Variants in FASTKD5 observed in about 807,000 individuals in gnomAD.
FASTKD5 encodes the protein non-canonical pre-mRNAs endonuclease FASTKD5, mitochondrial.
In FASTKD5, 30 loss-of-function variants were observed where a neutral mutation model predicts 44.0. The observed-to-expected ratio is 0.68, with a 90% CI of 0.51 to 0.93. The LOEUF (loss-of-function observed/expected upper bound fraction) is 0.93. Among genes scored for constraint, FASTKD5 ranks in the 40% least tolerant of loss-of-function variants. FASTKD5 has a pLI of 0.00. For synonymous variants in FASTKD5, 335 were observed against 342.2 expected (o/e 0.98, Z 0.23); for missense variants, 868 against 908.2 (o/e 0.96, Z 0.57).
At chr20:3,158,123 G>GTGTTTTTTTTGTTTTT (rs1170836369) in intron 1 of FASTKD5, among the ~76,000 whole-genome samples, 6 of 151,940 alleles carry the variant, frequency 3.9e-5, no homozygotes, top group Non-Finnish European at 8.8e-5. Flanking sequence ...GTTTTTTTGT[G>GTGTTTTTTTTGTTTTT]TGTTTTTTTT....
At chr20:3,157,386 C>T (rs1289914582) in intron 1 of FASTKD5, among the ~76,000 whole-genome samples, 2 of 152,234 alleles carry the variant, frequency 1.3e-5, no homozygotes, top group Non-Finnish European at 2.9e-5. Flanking sequence ...ATTATTCAGT[C>T]TAGCAATCCA....
Position 3,146,961 on chromosome 20 carries a change from T to C in FASTKD5, c.2110A>G (p.Arg704Gly). The C allele has an allele frequency of 6.2e-7, 1 of 1,614,214 alleles. No homozygotes were observed. The highest frequency in any genetic ancestry group is 1.7e-5 in the Admixed American group (1 of 60,014). ...RMKLAVQFTN[R>G]NQYCYGSRDL... is the part of the protein sequence containing the mutation. ...CTGGAGCCATAGCAATACTGGTTCC[T>C]GTTTGTGAACTGAACAGCCAGCTTC... The change falls in exon 2 of 2, where the codon AGG becomes GGG. Residue 704 changes from arginine (R) to glycine (G), a missense_variant. Transcript: ENST00000380266.
In FASTKD5 at chr20:3,148,677, C is replaced by A; in HGVS notation, c.394G>T (p.Ala132Ser). The change falls in exon 2 of 2, where the codon GCA becomes TCA. Residue 132 changes from alanine (A) to serine (S), a missense_variant. Transcript: ENST00000380266. ...GACAGGAGCTGAGAAGTCTCAGATG[C>A]ATTATAGCTGTGAACACGGTATTCT... Reference protein sequence around the residue: ...RPEYRVHSYNASETSQLLSVS... With the variant: ...RPEYRVHSYNSSETSQLLSVS... 1 of 1,614,166 alleles carries A rather than the reference C, an allele frequency of 6.2e-7. No individual in the cohort carries two copies.
At chr20:3,154,698 G>A (rs1463479085) in intron 1 of FASTKD5, among the ~76,000 whole-genome samples, 1 of 152,054 alleles carries the variant, frequency 6.6e-6, no homozygotes, top group Non-Finnish European at 1.5e-5. Flanking sequence ...TAAATAAAAA[G>A]AGTAAAGAAA....
rs2066578664 is a variant in FASTKD5 at position 3,147,556 on chromosome 20, T to C, written c.1515A>G (p.Arg505=). 6.2e-7 allele frequency: 1 copy of C among 1,614,160 alleles called. No homozygotes were observed. Residue 505 remains arginine (R), a synonymous_variant, in exon 2 of 2, where the codon AGA becomes AGG. Coordinates refer to ENST00000380266, the MANE Select transcript of FASTKD5 (RefSeq NM_021826.5). ...GTTCCTTAAGGAGGTCAAACTTAGT[T>C]CTCTCCTGAGCTAACCTGACAAACC... ...SPGFVRLAQE[R]TKFDLLKELY... is the part of the protein sequence containing the mutation.
chr20:3,154,637 C>T (rs1007481644), intron 1 of FASTKD5, among the ~76,000 whole-genome samples: 1 of 151,946 alleles, frequency 6.6e-6, no homozygotes, highest in African/African-American at 2.4e-5. Context: ...GAGCTGTGAT[C>T]CTGCTATGGC....
At chr20:3,154,644 T>C (rs1055993956) in intron 1 of FASTKD5, among the ~76,000 whole-genome samples, 11 of 152,082 alleles carry the variant, frequency 7.2e-5, no homozygotes, top group African/African-American at 1.2e-4. Flanking sequence ...GATCCTGCTA[T>C]GGCAGGGTGA....
intron 1 of FASTKD5, among the ~76,000 whole-genome samples, chr20:3,158,384 C>T (rs1555765806): frequency 1.3e-5 from 2 of 152,196 alleles, no homozygotes; most frequent in Non-Finnish European, 2.9e-5. Flanking sequence ...GACTAATAAA[C>T]ATTAGACCTG....
At position 3,147,297 on chromosome 20, in the gene FASTKD5, C is replaced by A; in HGVS notation, c.1774G>T (p.Val592Phe). The change falls in exon 2 of 2, where the codon GTC (valine) becomes TTC (phenylalanine). Residue 592 changes from valine to phenylalanine, a missense_variant. Physicochemically the swap from Val to Phe is conservative, Grantham distance 50 (BLOSUM62 -1). Coordinates refer to ENST00000380266, the MANE Select transcript of FASTKD5 (RefSeq NM_021826.5). ...LPHTRSSDLEVQLDVNLKPLP... is the reference protein window; with the variant it reads ...LPHTRSSDLEFQLDVNLKPLP... ...GGCTTCAGGTTAACATCAAGCTGGA[C>A]CTCTAAGTCAGAAGATCGGGTATGA... is the stretch of plus-strand genomic sequence containing the variant. 1 of 1,614,200 alleles carries A rather than the reference C, an allele frequency of 6.2e-7. No individual in the cohort carries two copies.
intron 1 of FASTKD5, among the ~76,000 whole-genome samples, chr20:3,158,871 C>T (rs560223293): frequency 8.7e-4 from 132 of 152,356 alleles, no homozygotes; most frequent in Non-Finnish European, 1.6e-3. Flanking sequence ...TCTGGAAAGG[C>T]AGCCATTCTT....
Position 3,157,754 on chromosome 20 carries a change from G to A in FASTKD5, c.-191+2012C>T, listed in dbSNP as rs143276228. On this transcript the variant is annotated intron_variant, in intron 1 of 1. Coordinates refer to ENST00000380266, the MANE Select transcript of FASTKD5 (RefSeq NM_021826.5). ...AGCTGCATGCACACAGTCGTCATAA[G>A]AGAAAATTCCCAAATAAATGGTCCA... is the stretch of plus-strand genomic sequence containing the variant. Among the ~76,000 whole-genome samples, 223 of 152,328 alleles carry A rather than the reference G, an allele frequency of 1.5e-3. 1 individual carries two copies. Among genetic ancestry groups the A allele is most frequent in the African/African-American group, 4.6e-3 (190 of 41,572 alleles).
chr20:3,151,257 A>C (rs925594128), intron 1 of FASTKD5, among the ~76,000 whole-genome samples: 2 of 152,198 alleles, frequency 1.3e-5, no homozygotes, highest in African/African-American at 4.8e-5. Flanking sequence ...ATCAAGGGTG[A>C]GCAGACTATG....
Position 3,148,114 on chromosome 20 carries a change from A to C in FASTKD5, c.957T>G (p.Gly319=), listed in dbSNP as rs780251919. 1.7e-5 allele frequency: 28 copies of C among 1,613,958 alleles called. No homozygotes were observed. Among genetic ancestry groups the C allele is most frequent in the Admixed American group, 5.0e-5 (3 of 59,992 alleles). ...ATTTAAAGAACCCCAAACAGATGGT[A>C]CCAACCTCCTCCAAATTGATCAAAT... ...YIDLINLEEV[G]TICLGFFKSS... Residue 319 remains glycine (G), a synonymous_variant, in exon 2 of 2, where the codon GGT becomes GGG. Coordinates refer to ENST00000380266, the MANE Select transcript of FASTKD5 (RefSeq NM_021826.5).
chr20:3,147,424 T>C lies in FASTKD5; in HGVS notation c.1647A>G (p.Ala549=), dbSNP rs1034527206. 3.1e-6 allele frequency: 5 copies of C among 1,614,210 alleles called. No individual in the cohort carries two copies. The highest frequency in any genetic ancestry group is 3.4e-6 in the Non-Finnish European group (4 of 1,180,040). The change falls in exon 2 of 2, where the codon GCA becomes GCG. Residue 549 remains alanine (A), a synonymous_variant. Transcript: ENST00000380266. ...CAGGCTTTGAATTCATATCCTTCTC[T>C]GCTAAATACCACAGCAATTCAGACC... ...QEGSELLWYL[A]EKDMNSKPEF...
In FASTKD5 at chr20:3,148,208, A is replaced by G. The variant is rs2422857; in HGVS notation, c.863T>C (p.Ile288Thr). ...LSQLVHLIYV[I>T]GENRQVSQDL... is the part of the protein sequence containing the mutation. ...CTGGGATACCTGACGATTTTCACCT[A>G]TAACATAAATTAAGTGAACTAGCTG... The change falls in exon 2 of 2, where the codon ATA (isoleucine) becomes ACA (threonine). Residue 288 changes from isoleucine (I) to threonine (T), a missense_variant. Ile to Thr is a moderately conservative substitution (Grantham distance 89). Transcript: ENST00000380266. 2,713 of 1,614,046 alleles carry G rather than the reference A, an allele frequency of 1.7e-3. 3 individuals carry two copies. Among genetic ancestry groups the G allele is most frequent in the Non-Finnish European group, 2.2e-3 (2,548 of 1,180,036 alleles).
rs536082605 is a variant in FASTKD5 at position 3,147,828 on chromosome 20, C to A, written c.1243G>T (p.Ala415Ser). 6.2e-7 allele frequency: 1 copy of A among 1,614,198 alleles called. No individual in the cohort carries two copies. Among genetic ancestry groups the A allele is most frequent in the East Asian group, 2.2e-5 (1 of 44,886 alleles). ...GCCACTCTAGGAGGCAAAGACGCAG[C>A]CACTGCATTCATTACTCCTTCATTC... ...FLNEGVMNAVAASLPPRVAHC... is the reference protein window; with the variant it reads ...FLNEGVMNAVSASLPPRVAHC... Residue 415 changes from alanine to serine, a missense_variant, in exon 2 of 2, where the codon GCT becomes TCT. Transcript: ENST00000380266.
chr20:3,148,080 T>C lies in FASTKD5; in HGVS notation c.991A>G (p.Asn331Asp). 6.2e-7 allele frequency: 1 copy of C among 1,614,162 alleles called. No individual in the cohort carries two copies. Among genetic ancestry groups the C allele is most frequent in the Non-Finnish European group, 8.5e-7 (1 of 1,180,034 alleles). The change falls in exon 2 of 2, where the codon AAT becomes GAT. Residue 331 changes from asparagine to aspartate, a missense_variant. Asn to Asp is a conservative substitution (Grantham distance 23). Transcript: ENST00000380266. ...ICLGFFKSST[N>D]LSEFVMRKIG... ...TTCCGCATGACAAATTCAGAGAGATTAGTACTTGATTTAAAGAACCCCAAA... is the reference window on the plus strand; with the variant it reads ...TTCCGCATGACAAATTCAGAGAGATCAGTACTTGATTTAAAGAACCCCAAA...
rs1458460084 is a variant in FASTKD5 at position 3,149,566 on chromosome 20, GGAA to G, written c.-190-309_-190-307del. Among the ~76,000 whole-genome samples the G allele has an allele frequency of 6.6e-6, 1 of 152,162 alleles. No homozygotes were observed. The highest frequency in any genetic ancestry group is 2.4e-5 in the African/African-American group (1 of 41,452). On this transcript the variant is annotated intron_variant, in intron 1 of 1. Transcript: ENST00000380266. This position sits in a 1 kb window ranked among gnomAD's most constrained non-coding sequence, Gnocchi z 4.1. Reference sequence around the variant, plus strand: ...GACGGTGCTCCGCTAACATTTGATAGGAAGAAGGAAGGCAGATTTCTAGAAAGA... The same window carrying G: ...GACGGTGCTCCGCTAACATTTGATAGGAAGGAAGGCAGATTTCTAGAAAGA...
intron 1 of FASTKD5, among the ~76,000 whole-genome samples, chr20:3,152,245 C>G (rs547823940): frequency 1.3e-5 from 2 of 151,834 alleles, no homozygotes; most frequent in Non-Finnish European, 2.9e-5. Flanking sequence ...CTTTGGGAGG[C>G]TGAGGCGGGT....
Sources: gnomAD v4.1 joint callset for allele counts (sites outside exome capture counted in the v4.1 genomes callset) on GRCh38, gnomAD v4.1.1 for gene constraint, Gnocchi (gnomAD v3.1) non-coding constraint, MANE v1.5 for transcripts, NCBI Gene and HGNC (gene_info 2026-07-23, HGNC 2026-07-21) for gene names.